Variants in MOB3B observed in about 807,000 individuals in gnomAD.
The protein encoded by MOB3B is MOB kinase activator-like 2B.
MOB3B carries 7 observed loss-of-function variants against 18.7 expected under a neutral mutation model. The ratio of observed to expected loss-of-function variants is 0.37; its 90% CI spans 0.21 to 0.70. The LOEUF is 0.70. MOB3B is among the 30% of genes least tolerant of loss of function. The pLI is 0.52. For synonymous variants in MOB3B, 111 were observed against 99.9 expected, an observed-to-expected ratio of 1.11 and a Z score of -0.66; for missense variants, 253 against 281.3, an observed-to-expected ratio of 0.90 and a Z score of 0.72.
At chr9:27,368,363 C>T (rs1305761267) in intron 2 of MOB3B, among the ~76,000 whole-genome samples, 3 of 150,698 alleles carry the variant, frequency 2.0e-5, no homozygotes, top group African/African-American at 7.4e-5. Flanking sequence ...TACACACACA[C>T]ACACACACAC....
chr9:27,358,817 CCA>C, intron 3 of MOB3B: 1 of 738,896 alleles, frequency 1.4e-6, no homozygotes, highest in Non-Finnish European at 2.5e-6. Context: ...CAACATTCTG[CCA>C]CCTCTTGGAG....
chr9:27,338,375 G>A (rs1400050163), intron 3 of MOB3B, among the ~76,000 whole-genome samples: 1 of 152,142 alleles, frequency 6.6e-6, no homozygotes, highest in Non-Finnish European at 1.5e-5. Flanking sequence ...CTCTGGGTGT[G>A]ATGAAAGAGA....
chr9:27,413,636 G>A (rs1456492621), intron 2 of MOB3B, among the ~76,000 whole-genome samples: 1 of 152,206 alleles, frequency 6.6e-6, no homozygotes, highest in Non-Finnish European at 1.5e-5. Flanking sequence ...GGGTGTTCCA[G>A]TATTCCAGTT....
chr9:27,526,840 A>AAT, intron 1 of MOB3B, among the ~76,000 whole-genome samples: 1 of 152,240 alleles, frequency 6.6e-6, no homozygotes, highest in South Asian at 2.1e-4. Flanking sequence ...TCAGTATGAC[A>AAT]GAAAAGAAAA....
chr9:27,425,589 T>C (rs1369704471), intron 2 of MOB3B, among the ~76,000 whole-genome samples: 2 of 152,170 alleles, frequency 1.3e-5, no homozygotes, highest in African/African-American at 2.4e-5. Context: ...TTAAGTTAGA[T>C]AAATAAAGAA....
rs1301787371 is a variant in MOB3B, at chr9:27,325,966, A to G, written c.*4621T>C. 7.4e-6 allele frequency: 1 copy of G among 134,610 alleles called. No homozygotes were observed. The highest frequency in any genetic ancestry group is 2.8e-5 in the African/African-American group (1 of 36,062). 8.3% of individuals were successfully genotyped at this position (134,610 alleles called of 1,614,324 possible). A position where few individuals can be genotyped will look rare whatever the true frequency, so the allele number is the denominator to read the frequency against. On this transcript the variant is annotated 3_prime_UTR_variant, in exon 4 of 4. Transcript: ENST00000262244. ...CAAGTCCCTTAATGTTTTGCCAATT[A>G]AGGTTTTTTTTTTTTTTTTTTTGAA...
At chr9:27,382,226 G>A (rs1821588702) in intron 2 of MOB3B, among the ~76,000 whole-genome samples, 2 of 152,142 alleles carry the variant, frequency 1.3e-5, no homozygotes, top group Non-Finnish European at 2.9e-5. Flanking sequence ...TTCCTCGACA[G>A]CTTTAATATG....
intron 1 of MOB3B, among the ~76,000 whole-genome samples, chr9:27,480,059 T>TAAA (rs35766164): frequency 1.5e-5 from 2 of 136,596 alleles, no homozygotes; most frequent in African/African-American, 2.7e-5. Context: ...ACTGTCTCTT[T>TAAA]AAAAAAAAAA....
At chr9:27,436,606 CT>C (rs1373738298) in intron 2 of MOB3B, among the ~76,000 whole-genome samples, 1 of 152,212 alleles carries the variant, frequency 6.6e-6, no homozygotes, top group Non-Finnish European at 1.5e-5. Context: ...TAGACAACTG[CT>C]TGCAGGCAAT....
At chr9:27,355,714 C>T (rs916824645) in intron 3 of MOB3B, among the ~76,000 whole-genome samples, 3 of 150,772 alleles carry the variant, frequency 2.0e-5, no homozygotes, top group Admixed American at 6.6e-5. Context: ...CACCCGCCAC[C>T]GTGCCTGGCT....
chr9:27,474,499 A>C lies in MOB3B; in HGVS notation c.-198-18751T>G, dbSNP rs565877676. ...CCCATGTCAGCACACAAGTGAAGGC[A>C]ATGACATTTTTTAATGGCATAATCC... On this transcript the variant is annotated intron_variant, in intron 1 of 3. Transcript: ENST00000262244. 7.2e-5 allele frequency among the ~76,000 whole-genome samples: 11 copies of C among 152,316 alleles called. No individual in the cohort carries two copies. The East Asian group carries it at 1.7e-3, about 24-fold the overall frequency.
intron 1 of MOB3B, among the ~76,000 whole-genome samples, chr9:27,493,456 T>G (rs1587255476): frequency 1.3e-5 from 2 of 151,990 alleles, no homozygotes; most frequent in African/African-American, 4.8e-5. Context: ...CTGGCTAACA[T>G]GGTGAAACCC....
At chr9:27,516,695 T>G (rs1049799283) in intron 1 of MOB3B, among the ~76,000 whole-genome samples, 4 of 152,234 alleles carry the variant, frequency 2.6e-5, no homozygotes, top group African/African-American at 9.6e-5. Flanking sequence ...TGCTGCCCAC[T>G]GTAACATAGC....
At chr9:27,392,028 T>C (rs1401583860) in intron 2 of MOB3B, among the ~76,000 whole-genome samples, 2 of 152,176 alleles carry the variant, frequency 1.3e-5, no homozygotes, top group East Asian at 3.8e-4. Context: ...TCAGATTCAA[T>C]GCCTTTCTAT....
intron 2 of MOB3B, among the ~76,000 whole-genome samples, chr9:27,370,276 AG>A (rs1394845551): frequency 4.6e-5 from 7 of 152,102 alleles, no homozygotes; most frequent in Non-Finnish European, 8.8e-5. Flanking sequence ...TGGGAGGCTA[AG>A]GTGGGCAGAT....
intron 2 of MOB3B, among the ~76,000 whole-genome samples, chr9:27,425,705 G>C (rs898484733): frequency 2.6e-5 from 4 of 151,582 alleles, no homozygotes; most frequent in Non-Finnish European, 5.9e-5. Flanking sequence ...GTCCAATGCA[G>C]TGGGCTTATG....
chr9:27,381,055 G>C (rs1297322880), intron 2 of MOB3B, among the ~76,000 whole-genome samples: 1 of 152,106 alleles, frequency 6.6e-6, no homozygotes, highest in Non-Finnish European at 1.5e-5. Context: ...TAGGTTTCAG[G>C]CTCCTGAGCT....
At chr9:27,385,244 T>C (rs1197363087) in intron 2 of MOB3B, among the ~76,000 whole-genome samples, 2 of 152,172 alleles carry the variant, frequency 1.3e-5, no homozygotes, top group Non-Finnish European at 2.9e-5. Context: ...CTTTTTTTTA[T>C]AGCAAAGTAG....
chr9:27,496,484 A>G (rs1819902249), intron 1 of MOB3B, among the ~76,000 whole-genome samples: 1 of 152,242 alleles, frequency 6.6e-6, no homozygotes, highest in Non-Finnish European at 1.5e-5. Context: ...ATGTAAGGAC[A>G]GTATAATGTC....
Sources: gnomAD v4.1 joint callset for allele counts (sites outside exome capture counted in the v4.1 genomes callset) on GRCh38, gnomAD v4.1.1 for gene constraint, MANE v1.5 for transcripts, NCBI Gene and HGNC (gene_info 2026-07-23, HGNC 2026-07-21) for gene names.